B3GALT1: variants seen among roughly 807,000 people sequenced by gnomAD.
B3GALT1 encodes the protein UDP-Gal:betaGlcNAc beta 1,3-galactosyltransferase, polypeptide 1.
A neutral mutation model predicts 23.2 loss-of-function variants in B3GALT1; 10 were observed. The observed-to-expected ratio is 0.43, with a 90% confidence interval of 0.27 to 0.73. The LOEUF (loss-of-function observed/expected upper bound fraction) is 0.73. Ranked by LOEUF, B3GALT1 falls within the 30% of genes least tolerant of loss-of-function variation. The pLI, the probability that B3GALT1 is intolerant of heterozygous loss-of-function variation, is 0.21. For missense variants in B3GALT1, 299 were observed against 405.4 expected, an observed-to-expected ratio of 0.74 and a Z score of 2.25; for synonymous variants, 156 against 141.5, an observed-to-expected ratio of 1.10 and a Z score of -0.73.
intron 3 of B3GALT1, among the ~76,000 whole-genome samples, chr2:167,699,826 C>A (rs554190995): frequency 6.6e-6 from 1 of 152,230 alleles, no homozygotes; most frequent in East Asian, 1.9e-4. Context: ...GATTCTCCTG[C>A]CTCAGCCTAC....
At chr2:167,716,230 A>G (rs1442073010) in intron 3 of B3GALT1, among the ~76,000 whole-genome samples, 3 of 150,964 alleles carry the variant, frequency 2.0e-5, no homozygotes, top group African/African-American at 7.3e-5. Flanking sequence ...GGCACCCCCC[A>G]CAGGCCTCAC....
intron 2 of B3GALT1, among the ~76,000 whole-genome samples, chr2:167,605,437 C>T (rs1360134504): frequency 6.6e-6 from 1 of 151,842 alleles, no homozygotes; most frequent in Admixed American, 6.6e-5. Flanking sequence ...GTGGCTGACC[C>T]ACGTGGTTGG....
intron 2 of B3GALT1, among the ~76,000 whole-genome samples, chr2:167,591,197 G>A (rs1364580970): frequency 1.3e-5 from 2 of 152,148 alleles, no homozygotes; most frequent in African/African-American, 4.8e-5. Context: ...AAAAATTTGA[G>A]AGAGGATTAT....
chr2:167,478,735 G>C (rs1339443633), intron 1 of B3GALT1, among the ~76,000 whole-genome samples: 2 of 143,034 alleles, frequency 1.4e-5, no homozygotes, highest in Non-Finnish European at 3.0e-5. Context: ...CCCCATGATA[G>C]GCCCCGGTGT....
intron 1 of B3GALT1, among the ~76,000 whole-genome samples, chr2:167,393,415 G>T (rs1329385382): frequency 6.6e-6 from 1 of 151,822 alleles, no homozygotes; most frequent in East Asian, 1.9e-4. Flanking sequence ...GAGGGATTCT[G>T]GGGTTAGGAA....
At chr2:167,561,159 A>G (rs1362452074) in intron 2 of B3GALT1, among the ~76,000 whole-genome samples, 4 of 152,148 alleles carry the variant, frequency 2.6e-5, no homozygotes, top group Non-Finnish European at 1.5e-5. Context: ...CTCACTCAAA[A>G]CCACTCAACT....
At position 167,638,659 on chromosome 2, in the gene B3GALT1, G is replaced by C. The variant is rs190516889; in HGVS notation, c.-409-8250G>C. Among the ~76,000 whole-genome samples, 468 of 152,102 alleles carry C rather than the reference G, an allele frequency of 3.1e-3. 3 individuals carry two copies. Among genetic ancestry groups the C allele is most frequent in the Non-Finnish European group, 4.6e-3 (314 of 67,960 alleles). ...TTTCACTTTTTGGAACAATAAATTT[G>C]ATAATAACACTGGATCTATTAAGTT... On this transcript the variant is annotated intron_variant, in intron 2 of 4. Transcript: ENST00000392690.
chr2:167,580,501 A>G (rs1221630711), intron 2 of B3GALT1, among the ~76,000 whole-genome samples: 1 of 152,096 alleles, frequency 6.6e-6, no homozygotes, highest in Non-Finnish European at 1.5e-5. Flanking sequence ...TTAAGGAGAA[A>G]ATCATTTTAG....
chr2:167,439,081 A>G (rs1258453274), intron 1 of B3GALT1, among the ~76,000 whole-genome samples: 1 of 152,244 alleles, frequency 6.6e-6, no homozygotes, highest in Non-Finnish European at 1.5e-5. Context: ...AAGTTGCCTT[A>G]TTATTGCTTC....
At chr2:167,821,108 G>A (rs189717662) in intron 4 of B3GALT1, among the ~76,000 whole-genome samples, 1 of 152,298 alleles carries the variant, frequency 6.6e-6, no homozygotes, top group Non-Finnish European at 1.5e-5. Flanking sequence ...ATGCACTTGG[G>A]TGTATAGGCC....
At chr2:167,563,510 C>T (rs1204045354) in intron 2 of B3GALT1, among the ~76,000 whole-genome samples, 1 of 14,422 alleles carries the variant, frequency 6.9e-5, no homozygotes, top group Non-Finnish European at 1.2e-4. Flanking sequence ...CCTCACCTCC[C>T]GGACGGGGCG....
At chr2:167,802,917 T>C (rs965578527) in intron 3 of B3GALT1, among the ~76,000 whole-genome samples, 6 of 144,556 alleles carry the variant, frequency 4.2e-5, no homozygotes, top group African/African-American at 1.6e-4. Context: ...AATAAATTAG[T>C]ATTTTTTTAT....
intron 2 of B3GALT1, among the ~76,000 whole-genome samples, chr2:167,525,707 A>C (rs1683208239): frequency 6.6e-6 from 1 of 151,382 alleles, no homozygotes; most frequent in African/African-American, 2.4e-5. Context: ...GTCACAGCTC[A>C]GGTGACCCTC....
chr2:167,492,869 A>T (rs1301860980), intron 2 of B3GALT1, among the ~76,000 whole-genome samples: 4 of 131,462 alleles, frequency 3.0e-5, no homozygotes, highest in African/African-American at 1.3e-4. Flanking sequence ...AAGTGTGTGT[A>T]TTTAGAGATG....
chr2:167,480,427 C>T (rs927454181), intron 1 of B3GALT1, among the ~76,000 whole-genome samples: 1 of 152,172 alleles, frequency 6.6e-6, no homozygotes, highest in Non-Finnish European at 1.5e-5. Context: ...CTCCCACTGT[C>T]GTAACCTCTG....
chr2:167,340,250 G>A (rs576691673), intron 1 of B3GALT1, among the ~76,000 whole-genome samples: 4 of 145,232 alleles, frequency 2.8e-5, no homozygotes, highest in South Asian at 2.3e-4. Flanking sequence ...AAATCTGAAC[G>A]TATTTAGAGG....
chr2:167,864,441 G>A (rs1314459009), intron 4 of B3GALT1, among the ~76,000 whole-genome samples: 2 of 152,176 alleles, frequency 1.3e-5, no homozygotes, highest in African/African-American at 4.8e-5. Context: ...GCATGTGCCT[G>A]TAATCTCAGC....
At chr2:167,343,154 G>A (rs1697175617) in intron 1 of B3GALT1, among the ~76,000 whole-genome samples, 1 of 152,116 alleles carries the variant, frequency 6.6e-6, no homozygotes, top group African/African-American at 2.4e-5. Context: ...TAAGTGGGAA[G>A]CAGGTTGAGT....
chr2:167,649,330 CA>C (rs1160055111), intron 3 of B3GALT1, among the ~76,000 whole-genome samples: 15 of 151,926 alleles, frequency 9.9e-5, no homozygotes, highest in Admixed American at 2.6e-4. Flanking sequence ...TAAAATTAAC[CA>C]TTTTAAAGTG....
Sources: allele counts gnomAD v4.1 joint callset (sites outside exome capture counted in the v4.1 genomes callset), GRCh38; gene constraint gnomAD v4.1.1; transcripts MANE v1.5; gene names NCBI Gene and HGNC (gene_info 2026-07-23, HGNC 2026-07-21).